Variants in PPP6R2 observed in about 807,000 individuals in gnomAD.
The protein encoded by PPP6R2 is protein phosphatase 6 regulatory subunit 2.
A neutral mutation model predicts 100.2 loss-of-function variants in PPP6R2; 62 were observed. That is an observed-to-expected ratio of 0.62 (90% CI 0.50 to 0.76). The LOEUF (loss-of-function observed/expected upper bound fraction) is 0.76. Among genes scored for constraint, PPP6R2 ranks in the 30% least tolerant of loss-of-function variants. The probability of loss-of-function intolerance (pLI) is 0.00; values close to 1 mark genes in which losing one functional copy is unlikely to be tolerated. For synonymous variants in PPP6R2, 525 were observed against 514.7 expected (o/e 1.02, Z -0.27); for missense variants, 1,142 against 1,276.3 (o/e 0.89, Z 1.60).
rs754909182 is a variant in PPP6R2 at position 50,423,598 on chromosome 22, C to T, written c.1109C>T (p.Thr370Met). 10 of 1,614,188 alleles carry T rather than the reference C, an allele frequency of 6.2e-6. 1 individual carries two copies. The Admixed American group carries it at 1.0e-4, about 16-fold the overall frequency. The change falls in exon 10 of 24, where the codon ACG becomes ATG. Residue 370 changes from threonine (T) to methionine (M), a missense_variant. Transcript: ENST00000612753. This position sits in a 1 kb window ranked among gnomAD's most constrained non-coding sequence, Gnocchi z 4.8. ...AACCAGGAGCTCTGCCGGCTCAACA[C>T]GATGGACTTACTGCTGGTAAGTGGG... ...SINQELCRLN[T>M]MDLLLDLFFK...
intron 15 of PPP6R2, 119 bp downstream of exon 15, chr22:50,437,187 T>C: frequency 9.7e-7 from 1 of 1,027,232 alleles, no homozygotes. Context: ...CGGGGGCTCG[T>C]CTCCGAGCAC....
intron 3 of PPP6R2, among the ~76,000 whole-genome samples, chr22:50,405,356 G>C (rs971672816): frequency 7.1e-6 from 1 of 141,666 alleles, no homozygotes; most frequent in Non-Finnish European, 1.6e-5. Flanking sequence ...AAGGCCTGGA[G>C]AGAGGTGAGA....
intron 4 of PPP6R2, among the ~76,000 whole-genome samples, chr22:50,411,847 C>G (rs1042923488): frequency 9.2e-5 from 14 of 152,006 alleles, no homozygotes; most frequent in African/African-American, 3.4e-4. Flanking sequence ...AGATCGAGAC[C>G]GTCCTGGCTA....
chr22:50,350,623 A>G (rs561062380), intron 1 of PPP6R2, among the ~76,000 whole-genome samples: 3 of 151,876 alleles, frequency 2.0e-5, no homozygotes, highest in African/African-American at 7.2e-5. Flanking sequence ...AGACAGGCAG[A>G]TCACGAGGTC....
At chr22:50,429,217 G>A (rs2062721118) in intron 10 of PPP6R2, among the ~76,000 whole-genome samples, 1 of 152,168 alleles carries the variant, frequency 6.6e-6, no homozygotes, top group African/African-American at 2.4e-5. Context: ...TTTCAGTAAA[G>A]ATGGGGTTTC....
intron 2 of PPP6R2, among the ~76,000 whole-genome samples, chr22:50,383,690 T>C (rs573682964): frequency 4.9e-4 from 74 of 152,256 alleles, no homozygotes; most frequent in Admixed American, 1.5e-3. Flanking sequence ...GGGGCTGTTA[T>C]CTTTCTGCCA....
chr22:50,339,778 GTGTGTGTGTGGTGTGTGTGGGGTA>G (rs2042349409), upstream of PPP6R2, among the ~76,000 whole-genome samples: 2 of 101,966 alleles, frequency 2.0e-5, no homozygotes, highest in African/African-American at 5.2e-5. Context: ...GTGGTATGTG[GTGTGTGTGTGGTGTGTGTGGGGTA>G]TGTGTGTGTG....
intron 1 of PPP6R2, among the ~76,000 whole-genome samples, chr22:50,365,107 T>G (rs2048486606): frequency 6.6e-6 from 1 of 151,214 alleles, no homozygotes; most frequent in Non-Finnish European, 1.5e-5. Context: ...GTTTTGCTCT[T>G]GTTGCCCAGG....
intron 4 of PPP6R2, among the ~76,000 whole-genome samples, chr22:50,413,670 A>ACCCCCTCCT (rs55741133): frequency 0.37 from 52,479 of 143,440 alleles, 9,661 homozygotes; most frequent in East Asian, 0.65. Context: ...CTCCTCCCCT[A>ACCCCCTCCT]CCCCCTCCTC....
At chr22:50,410,399 G>A (rs2147284139) in intron 4 of PPP6R2, among the ~76,000 whole-genome samples, 1 of 152,040 alleles carries the variant, frequency 6.6e-6, no homozygotes, top group East Asian at 1.9e-4. Flanking sequence ...TCTCTGTATG[G>A]CAGTCTTAAG....
intron 2 of PPP6R2, among the ~76,000 whole-genome samples, chr22:50,374,727 A>C (rs1435029303): frequency 6.6e-6 from 1 of 152,120 alleles, no homozygotes; most frequent in Non-Finnish European, 1.5e-5. Context: ...CATCTTTGCT[A>C]ATACGGTGAA....
At chr22:50,441,734 C>T (rs1001437075) in intron 22 of PPP6R2, among the ~76,000 whole-genome samples, 1 of 152,060 alleles carries the variant, frequency 6.6e-6, no homozygotes. Context: ...GGAGGCTGGC[C>T]GGCCCCTCCA....
intron 1 of PPP6R2, 136 bp from the exon 2 acceptor site, chr22:50,371,884 G>A (rs905829883): frequency 5.3e-5 from 8 of 152,150 alleles, no homozygotes; most frequent in Admixed American, 3.3e-4. Flanking sequence ...GTGATCTGCC[G>A]CCTTGGCCTC....
intron 5 of PPP6R2, among the ~76,000 whole-genome samples, chr22:50,415,535 G>A (rs1569454823): frequency 2.0e-5 from 3 of 152,312 alleles, no homozygotes; most frequent in East Asian, 1.9e-4. Context: ...AAGTAGCCAC[G>A]GGGGGACAGC....
the PPP6R2 span, among the ~76,000 whole-genome samples, chr22:50,333,821 G>A: frequency 6.6e-6 from 1 of 152,122 alleles, no homozygotes; most frequent in Non-Finnish European, 1.5e-5. Context: ...ACCGGTAGTG[G>A]CCCTGAATGC....
chr22:50,402,144 G>A (rs9616822), intron 3 of PPP6R2, among the ~76,000 whole-genome samples: 52,162 of 151,298 alleles, frequency 0.34, 9,859 homozygotes, highest in East Asian at 0.74. Context: ...TGGGGCCCTA[G>A]ATCCTGCACA....
the PPP6R2 span, among the ~76,000 whole-genome samples, chr22:50,337,354 TGTGG>T: frequency 2.2e-5 from 3 of 133,722 alleles, no homozygotes; most frequent in Non-Finnish European, 4.7e-5. Context: ...ATGTGTGGTG[TGTGG>T]GTGTGTGTGT....
chr22:50,334,793 C>G, the PPP6R2 span, among the ~76,000 whole-genome samples: 1 of 152,086 alleles, frequency 6.6e-6, no homozygotes, highest in Admixed American at 6.6e-5. Context: ...TGGTGAAACT[C>G]TGTCTCTACT....
intron 1 of PPP6R2, among the ~76,000 whole-genome samples, chr22:50,346,722 A>G (rs533603664): frequency 1.1e-4 from 16 of 140,354 alleles, no homozygotes; most frequent in African/African-American, 4.1e-4. Flanking sequence ...CGCACTGGTC[A>G]GTGCCTCCAC....
Sources: allele counts gnomAD v4.1 joint callset (sites outside exome capture counted in the v4.1 genomes callset), GRCh38; gene constraint gnomAD v4.1.1; non-coding constraint Gnocchi (gnomAD v3.1); transcripts MANE v1.5; gene names NCBI Gene and HGNC (gene_info 2026-07-23, HGNC 2026-07-21).